The following BNIP5 variants were observed in gnomAD, a reference collection of about 807,000 sequenced individuals.
The protein encoded by BNIP5 is protein BNIP5.
In BNIP5, 61 loss-of-function variants were observed where a neutral mutation model predicts 67.3. The ratio of observed to expected loss-of-function variants is 0.91; its 90% CI spans 0.74 to 1.12. The LOEUF is 1.12. Ranked by LOEUF, BNIP5 falls within the 50% of genes most tolerant of loss-of-function variation. The probability of loss-of-function intolerance (pLI) is 0.00; values close to 1 mark genes in which losing one functional copy is unlikely to be tolerated. For missense variants in BNIP5, 826 were observed against 816.3 expected, an observed-to-expected ratio of 1.01 and a Z score of -0.14; for synonymous variants, 317 against 319.0, an observed-to-expected ratio of 0.99 and a Z score of 0.07.
rs539853385 is a variant in BNIP5 at position 36,317,564 on chromosome 6, A to G, written c.1924-173T>C. Reference sequence around the variant, plus strand: ...ACTGTTCTCCTGATCCTTTCTCCCCAGACAGCCTCCCCATTCTCAAAGGTC... The same window carrying G: ...ACTGTTCTCCTGATCCTTTCTCCCCGGACAGCCTCCCCATTCTCAAAGGTC... On this transcript the variant is annotated intron_variant, in intron 11 of 11. Transcript: ENST00000437635. Among the ~76,000 whole-genome samples the G allele has an allele frequency of 4.6e-5, 7 of 152,288 alleles. No individual in the cohort carries two copies. In the East Asian group the frequency reaches 1.4e-3, roughly 29 times the overall value.
At chr6:36,320,463 C>T (rs909675380) in intron 10 of BNIP5, among the ~76,000 whole-genome samples, 13 of 152,066 alleles carry the variant, frequency 8.5e-5, no homozygotes, top group Admixed American at 3.3e-4. Flanking sequence ...GTTAATTCTG[C>T]CCCCCACATG....
intron 2 of BNIP5, 86 bp downstream of exon 2, chr6:36,329,995 C>A: frequency 6.9e-7 from 1 of 1,445,912 alleles, no homozygotes. Context: ...GCTCCCCCGA[C>A]TATCCCTGTC....
intron 8 of BNIP5, 140 bp from the exon 9 acceptor site, chr6:36,322,582 AGAG>A: frequency 3.3e-6 from 3 of 908,582 alleles, no homozygotes; most frequent in Non-Finnish European, 5.0e-6. Context: ...GCTCTGCCTC[AGAG>A]GAGTTCGTGG....
At position 36,326,612 on chromosome 6, in the gene BNIP5, C is replaced by T. The variant is rs1429536611; in HGVS notation, c.934G>A (p.Gly312Arg). 1.2e-6 allele frequency: 2 copies of T among 1,614,138 alleles called. No homozygotes were observed. Among genetic ancestry groups the T allele is most frequent in the Admixed American group, 1.7e-5 (1 of 60,006 alleles). Reference sequence around the variant, plus strand: ...TCTGGACTGGAAACATCTGCAGCCCCCCTCTTGGCCTCCTCGGAGCCGTGT... The same window carrying T: ...TCTGGACTGGAAACATCTGCAGCCCTCCTCTTGGCCTCCTCGGAGCCGTGT... ...KKHGSEEAKR[G>R]AADVSSPEAW... The change falls in exon 5 of 12, where the codon GGG (glycine) becomes AGG (arginine). Residue 312 changes from glycine (G) to arginine (R), a missense_variant. Physicochemically the swap from Gly to Arg is moderately radical, Grantham distance 125. Coordinates refer to ENST00000437635, the MANE Select transcript of BNIP5 (RefSeq NM_001010903.5).
intron 8 of BNIP5, 148 bp downstream of exon 8, chr6:36,323,145 A>T: frequency 2.6e-6 from 3 of 1,161,836 alleles, no homozygotes; most frequent in Non-Finnish European, 3.6e-6. Flanking sequence ...CACACCCCCC[A>T]CTCTACTCAG....
intron 10 of BNIP5, among the ~76,000 whole-genome samples, chr6:36,320,502 C>T (rs1405585416): frequency 6.6e-6 from 1 of 152,234 alleles, no homozygotes; most frequent in Non-Finnish European, 1.5e-5. Flanking sequence ...GGTCCTCAGG[C>T]ACAAGGAGGC....
chr6:36,321,579 C>T (rs537068916), intron 9 of BNIP5, among the ~76,000 whole-genome samples: 33 of 152,154 alleles, frequency 2.2e-4, no homozygotes, highest in Admixed American at 3.9e-4. Flanking sequence ...AGCAGCACAT[C>T]AGAATGCAGG....
At chr6:36,321,244 G>C (rs375901176) in intron 9 of BNIP5, 25 bp from the exon 10 acceptor site, 1 of 1,563,794 alleles carries the variant, frequency 6.4e-7, no homozygotes, top group African/African-American at 1.3e-5. Flanking sequence ...GGAGGATTGA[G>C]TGACTGTTGA....
chr6:36,330,261 G>A lies in BNIP5; in HGVS notation c.430C>T (p.Leu144Phe), dbSNP rs1561886162. The A allele has an allele frequency of 6.2e-7, 1 of 1,614,182 alleles. No individual in the cohort carries two copies. The highest frequency in any genetic ancestry group is 8.5e-7 in the Non-Finnish European group (1 of 1,180,040). ...EPLEAAGEPA[L>F]RKKAHHDKKP... ...TTGTCGTGGTGGGCTTTCTTCCTGA[G>A]GGCTGGCTCCCCTGCTGCTTCCAGG... The change falls in exon 2 of 12, where the codon CTC (leucine) becomes TTC (phenylalanine). Residue 144 changes from leucine to phenylalanine, a missense_variant. Transcript: ENST00000437635.
rs757455521 is a variant in BNIP5, at chr6:36,326,729, C to T, written c.817G>A (p.Val273Met). 1.2e-6 allele frequency: 2 copies of T among 1,614,102 alleles called. No homozygotes were observed. Among genetic ancestry groups the T allele is most frequent in the Admixed American group, 1.7e-5 (1 of 60,026 alleles). ...GCTGGTGCTGGGTTTGGCAGGGCCA[C>T]CCCCAGCTGTGAGGCCAGAGATTGC... Reference protein sequence around the residue: ...EEQSLASQLGVALPNPAPAVR... With the variant: ...EEQSLASQLGMALPNPAPAVR... Residue 273 changes from valine (V) to methionine (M), a missense_variant, in exon 5 of 12, where the codon GTG (valine) becomes ATG (methionine). Physicochemically the swap from Val to Met is conservative, Grantham distance 21. Transcript: ENST00000437635.
chr6:36,328,445 G>A (rs972910981), intron 3 of BNIP5, among the ~76,000 whole-genome samples, 153 bp downstream of exon 3: 1 of 152,060 alleles, frequency 6.6e-6, no homozygotes. Context: ...ATAAGCAAAC[G>A]TGGCCAGAAG....
rs1771853774 is a variant in BNIP5 at position 36,330,090 on chromosome 6, C to G, written c.601G>C (p.Ala201Pro). The change falls in exon 2 of 12, where the codon GCT becomes CCT. Residue 201 changes from alanine to proline, a missense_variant. Physicochemically the swap from Ala to Pro is conservative, Grantham distance 27. Coordinates refer to ENST00000437635, the MANE Select transcript of BNIP5 (RefSeq NM_001010903.5). ...GGCACGGTCCGCTCACCCCTGCGAG[C>G]TGGGCCCAGGTCAGCCTCCCCGGAG... ...LRSGEADLGP[A>P]RRGGEDSDHQ... The G allele has an allele frequency of 6.2e-7, 1 of 1,603,614 alleles. No homozygotes were observed. The highest frequency in any genetic ancestry group is 1.7e-5 in the Admixed American group (1 of 59,406).
intron 1 of BNIP5, among the ~76,000 whole-genome samples, chr6:36,334,102 C>T (rs188064450): frequency 1.7e-4 from 26 of 152,336 alleles, no homozygotes; most frequent in African/African-American, 6.0e-4. Flanking sequence ...CAGTATCCTC[C>T]TACCACATTC....
At position 36,328,662 on chromosome 6, in the gene BNIP5, T is replaced by C. The variant is rs756876511; in HGVS notation, c.663A>G (p.Gly221=). ...TGGCATGGGGAGAAACATCCAAAGC[T>C]CCAGTACCATCCACTTTGATGAGGA... is the stretch of plus-strand genomic sequence containing the variant. ...QSFLIKVDGT[G]ALDVSPHATG... Residue 221 remains glycine, a synonymous_variant, in exon 3 of 12, where the codon GGA becomes GGG. Coordinates refer to ENST00000437635, the MANE Select transcript of BNIP5 (RefSeq NM_001010903.5). 7 of 1,613,796 alleles carry C rather than the reference T, an allele frequency of 4.3e-6. No individual in the cohort carries two copies. The highest frequency in any genetic ancestry group is 5.1e-6 in the Non-Finnish European group (6 of 1,179,940).
At chr6:36,321,858 C>T (rs1771644000) in intron 9 of BNIP5, among the ~76,000 whole-genome samples, 2 of 152,196 alleles carry the variant, frequency 1.3e-5, no homozygotes, top group South Asian at 2.1e-4. Context: ...CAGGCACACA[C>T]CACCATGCCA....
chr6:36,329,191 G>T (rs531045543), intron 2 of BNIP5, among the ~76,000 whole-genome samples: 1 of 152,354 alleles, frequency 6.6e-6, no homozygotes, highest in East Asian at 1.9e-4. Flanking sequence ...AGGCCTGGAA[G>T]CAGCAGCCCA....
intron 7 of BNIP5, 98 bp downstream of exon 7, chr6:36,324,031 G>A (rs1771698029): frequency 4.4e-6 from 4 of 904,844 alleles, no homozygotes; most frequent in Non-Finnish European, 7.4e-6. Flanking sequence ...GACTGGAGCA[G>A]GACACAGAAG....
chr6:36,323,549 G>C lies in BNIP5; in HGVS notation c.1231-16C>G. ...CTTGAGGTTGCTGTGGGGGAGATGA[G>C]AGAAACTGAGTCAGGGCCCCTGACC... On this transcript the variant is annotated splice_polypyrimidine_tract_variant and intron_variant, in intron 7 of 11. Transcript: ENST00000437635. The C allele has an allele frequency of 6.2e-7, 1 of 1,613,604 alleles. No homozygotes were observed. The highest frequency in any genetic ancestry group is 8.5e-7 in the Non-Finnish European group (1 of 1,179,970).
chr6:36,328,444 C>T (rs1156949553), intron 3 of BNIP5, among the ~76,000 whole-genome samples, 154 bp downstream of exon 3: 2 of 152,100 alleles, frequency 1.3e-5, no homozygotes, highest in East Asian at 1.9e-4. Context: ...AATAAGCAAA[C>T]GTGGCCAGAA....
Sources: allele counts gnomAD v4.1 joint callset (sites outside exome capture counted in the v4.1 genomes callset), GRCh38; gene constraint gnomAD v4.1.1; transcripts MANE v1.5; gene names NCBI Gene and HGNC (gene_info 2026-07-23, HGNC 2026-07-21).